PTPRD: variants seen among roughly 807,000 people sequenced by gnomAD.
PTPRD encodes the protein protein tyrosine phosphatase receptor type D.
Under a neutral mutation model 214.5 loss-of-function variants are expected in PTPRD, and 34 were observed. The observed-to-expected ratio is 0.16, with a 90% CI of 0.12 to 0.21. The LOEUF (loss-of-function observed/expected upper bound fraction) is 0.21. PTPRD is among the 10% of genes least tolerant of loss of function. The pLI, the probability that PTPRD is intolerant of heterozygous loss-of-function variation, is 1.00. For missense variants in PTPRD, 2,545 were observed against 2,398.7 expected (o/e 1.06, Z -1.27); for synonymous variants, 1,128 against 845.7 (o/e 1.33, Z -5.79).
Position 8,782,100 on chromosome 9 carries a change from CA to C in PTPRD, c.-103-48155del, listed in dbSNP as rs2095731917. Reference sequence around the variant, plus strand: ...ATACCATAATGTTTATGGTATAAAACATACCATAATGTTTATGGTATAAAAC... The same window carrying C: ...ATACCATAATGTTTATGGTATAAAACTACCATAATGTTTATGGTATAAAAC... On this transcript the variant is annotated intron_variant, in intron 11 of 45. Coordinates refer to ENST00000381196, the MANE Select transcript of PTPRD (RefSeq NM_002839.4). 1.2e-4 allele frequency among the ~76,000 whole-genome samples: 3 copies of C among 24,050 alleles called. No homozygotes were observed. In the East Asian group the frequency reaches 1.9e-3, roughly 16 times the overall value. 15.8% of individuals were successfully genotyped at this position (24,050 alleles called of 152,430 possible).
intron 11 of PTPRD, among the ~76,000 whole-genome samples, chr9:9,005,346 T>A (rs2099456836): frequency 6.6e-6 from 1 of 152,054 alleles, no homozygotes; most frequent in Non-Finnish European, 1.5e-5. Context: ...AAACAAGAAA[T>A]AGCATGTGTA....
chr9:9,165,587 C>A (rs1254156140), intron 10 of PTPRD, among the ~76,000 whole-genome samples: 2 of 152,102 alleles, frequency 1.3e-5, no homozygotes, highest in African/African-American at 4.8e-5. Flanking sequence ...GTACATCATA[C>A]TATTAAGGTT....
chr9:10,052,630 A>G (rs545270232), intron 3 of PTPRD, among the ~76,000 whole-genome samples: 2 of 152,294 alleles, frequency 1.3e-5, no homozygotes, highest in East Asian at 1.9e-4. Context: ...ATATTTTTTT[A>G]CAGGTGTAAA....
intron 2 of PTPRD, among the ~76,000 whole-genome samples, chr9:10,417,622 T>C (rs2098504688): frequency 6.6e-6 from 1 of 151,698 alleles, no homozygotes; most frequent in Non-Finnish European, 1.5e-5. Flanking sequence ...CATATATAAA[T>C]AAATATAGAT....
At chr9:8,961,837 C>T (rs928070434) in intron 11 of PTPRD, among the ~76,000 whole-genome samples, 6 of 152,050 alleles carry the variant, frequency 3.9e-5, no homozygotes, top group South Asian at 2.1e-4. Flanking sequence ...TCTCTAAGTA[C>T]CCCATGTGAC....
chr9:9,787,475 C>T (rs1349131319), intron 5 of PTPRD, among the ~76,000 whole-genome samples: 1 of 148,234 alleles, frequency 6.7e-6, no homozygotes, highest in East Asian at 2.0e-4. Context: ...ATTAATGTTA[C>T]TTTTTTTCTG....
Position 10,525,727 on chromosome 9 carries a change from A to AGTGTGTGTGTGTGT in PTPRD, c.-600+86657_-600+86670dup, listed in dbSNP as rs398010299. The stretch of plus-strand genomic sequence containing the variant: ...GGGAAGGATCCACAAAGATTTTCAA[A>AGTGTGTGTGTGTGT]GTGTGTGTGTGTGTGTGTGTGTGTG... On this transcript the variant is annotated intron_variant, in intron 2 of 45. Transcript: ENST00000381196. 9.8e-3 allele frequency among the ~76,000 whole-genome samples: 1,445 copies of AGTGTGTGTGTGTGT among 147,030 alleles called. 10 individuals carry two copies. Among genetic ancestry groups the AGTGTGTGTGTGTGT allele is most frequent in the Middle Eastern group, 0.021 (6 of 288 alleles).
intron 3 of PTPRD, among the ~76,000 whole-genome samples, chr9:10,209,124 T>A (rs1394553676): frequency 6.6e-6 from 1 of 152,280 alleles, no homozygotes; most frequent in African/African-American, 2.4e-5. Context: ...ACAATATTAT[T>A]TATGAAATTG....
intron 12 of PTPRD, among the ~76,000 whole-genome samples, chr9:8,650,357 C>G (rs2096782321): frequency 6.6e-6 from 1 of 151,954 alleles, no homozygotes; most frequent in Non-Finnish European, 1.5e-5. Flanking sequence ...TGGAGAAACT[C>G]TGTCTCTACT....
At chr9:8,558,272 T>C (rs974523557) in intron 14 of PTPRD, among the ~76,000 whole-genome samples, 11 of 152,224 alleles carry the variant, frequency 7.2e-5, no homozygotes, top group Non-Finnish European at 1.5e-4. Context: ...TCTTCCTCTA[T>C]ATCTTCTCTC....
chr9:10,174,089 G>T (rs1050052869), intron 3 of PTPRD, among the ~76,000 whole-genome samples: 3 of 152,114 alleles, frequency 2.0e-5, no homozygotes, highest in South Asian at 2.1e-4. Context: ...AAGACAATTT[G>T]CCTAATGTGG....
chr9:9,774,795 C>T (rs984715148), intron 5 of PTPRD, among the ~76,000 whole-genome samples: 15 of 152,072 alleles, frequency 9.9e-5, no homozygotes, highest in African/African-American at 2.7e-4. Context: ...CTTTTGTCTC[C>T]GTTTTGTTAA....
Position 8,319,955 on chromosome 9 carries a change from C to A in PTPRD, c.5546G>T (p.Gly1849Val), listed in dbSNP as rs757572692. 4.3e-6 allele frequency: 7 copies of A among 1,611,490 alleles called. No individual in the cohort carries two copies. The highest frequency in any genetic ancestry group is 5.1e-6 in the Non-Finnish European group (6 of 1,178,982). ...TAGCGTTATGAAGACTCCAGTTCTT[C>A]CAACGCCCGCGCTGCCACAATAACA... ...PISVHCSAGV[G>V]RTGVFITLSI... The change falls in exon 45 of 46, where the codon GGA (glycine) becomes GTA (valine). Residue 1849 changes from glycine to valine, a missense_variant. Physicochemically the swap from Gly to Val is moderately radical, Grantham distance 109 (BLOSUM62 -3). Transcript: ENST00000381196.
chr9:9,102,896 C>A (rs995468529), intron 10 of PTPRD, among the ~76,000 whole-genome samples: 1 of 152,066 alleles, frequency 6.6e-6, no homozygotes, highest in African/African-American at 2.4e-5. Context: ...AATGAATTAA[C>A]GCTATAATTT....
At chr9:8,712,781 C>T (rs779311410) in intron 12 of PTPRD, among the ~76,000 whole-genome samples, 6 of 152,120 alleles carry the variant, frequency 3.9e-5, no homozygotes, top group Non-Finnish European at 8.8e-5. Flanking sequence ...TGCAGTGGCA[C>T]GATCTTGGCT....
At chr9:8,424,909 C>G (rs1318019270) in intron 35 of PTPRD, among the ~76,000 whole-genome samples, 1 of 152,124 alleles carries the variant, frequency 6.6e-6, no homozygotes, top group Non-Finnish European at 1.5e-5. Context: ...AAGCCAAATA[C>G]TCTGATTGCT....
chr9:10,426,723 G>A (rs889912109), intron 2 of PTPRD, among the ~76,000 whole-genome samples: 1 of 151,998 alleles, frequency 6.6e-6, no homozygotes, highest in Admixed American at 6.6e-5. Flanking sequence ...TACCTGAAGT[G>A]GACTATAGTT....
intron 7 of PTPRD, among the ~76,000 whole-genome samples, chr9:9,606,983 A>T (rs1367479741): frequency 1.4e-5 from 2 of 145,356 alleles, no homozygotes; most frequent in Non-Finnish European, 3.0e-5. Flanking sequence ...AAAAAAAAAA[A>T]AAAAAAAAAA....
chr9:9,808,697 A>G (rs951555715), intron 5 of PTPRD, among the ~76,000 whole-genome samples: 2 of 152,092 alleles, frequency 1.3e-5, no homozygotes, highest in Non-Finnish European at 2.9e-5. Flanking sequence ...TCCTCTAAAA[A>G]TTATTTACTA....
Sources: gnomAD v4.1 joint callset for allele counts (sites outside exome capture counted in the v4.1 genomes callset) on GRCh38, gnomAD v4.1.1 for gene constraint, MANE v1.5 for transcripts, NCBI Gene and HGNC (gene_info 2026-07-23, HGNC 2026-07-21) for gene names.